CD177: variants seen among roughly 807,000 people sequenced by gnomAD.
CD177 encodes the protein CD177 molecule, also known as CD177 antigen.
A neutral mutation model predicts 38.1 loss-of-function variants in CD177; 41 were observed. The ratio of observed to expected loss-of-function variants is 1.07; its 90% CI spans 0.84 to 1.39. The LOEUF (loss-of-function observed/expected upper bound fraction) is 1.39, where lower values mean the gene tolerates loss of function less well. Ranked by LOEUF, CD177 falls within the 40% of genes most tolerant of loss-of-function variation. CD177 has a pLI of 0.00. For synonymous variants in CD177, 236 were observed against 216.7 expected (o/e 1.09, Z -0.78); for missense variants, 619 against 523.8 (o/e 1.18, Z -1.77).
At chr19:43,364,343 C>T (rs980002077), downstream of CD177, among the ~76,000 whole-genome samples, 9 of 152,332 alleles carry the variant, frequency 5.9e-5, no homozygotes, top group Admixed American at 1.3e-4. Flanking sequence ...TCCAAAACCT[C>T]CTTTGGATGT....
chr19:43,360,653 G>C (rs1969949791), intron 6 of CD177: 1 of 503,116 alleles, frequency 2.0e-6, no homozygotes, highest in South Asian at 2.5e-5. Flanking sequence ...CCAGGGTGGA[G>C]AACCGTGCCA....
chr19:43,361,390 G>A lies in CD177; in HGVS notation c.947-55G>A. ...ACACACAGAGACTCTGGCCCAAGGTGGCCAGCTGCTCTGAGCACAAAGTCA... is the reference window on the plus strand; with the variant it reads ...ACACACAGAGACTCTGGCCCAAGGTAGCCAGCTGCTCTGAGCACAAAGTCA... On this transcript the variant is annotated intron_variant, in intron 7 of 8. Transcript: ENST00000618265. 7 of 1,594,340 alleles carry A rather than the reference G, an allele frequency of 4.4e-6. No individual in the cohort carries two copies. The South Asian group carries it at 7.9e-5, about 18-fold the overall frequency.
chr19:43,365,464 G>A (rs969623724), downstream of CD177, among the ~76,000 whole-genome samples: 1 of 110,274 alleles, frequency 9.1e-6, no homozygotes, highest in Admixed American at 9.6e-5. Flanking sequence ...TAAGGGTGGG[G>A]ACGGCATAGC....
Position 43,355,760 on chromosome 19 carries a change from A to G in CD177, c.479A>G (p.Asp160Gly). 1.9e-6 allele frequency: 3 copies of G among 1,613,106 alleles called. No homozygotes were observed. Among genetic ancestry groups the G allele is most frequent in the Non-Finnish European group, 2.5e-6 (3 of 1,179,506 alleles). ...ICPKGTTHCYDGLLRLRGGGI... is the reference protein window; with the variant it reads ...ICPKGTTHCYGGLLRLRGGGI... ...CCCAAGGGGACCACACACTGTTATG[A>G]TGGCCTCCTCAGGCTCAGGGGAGGT... Residue 160 changes from aspartate (D) to glycine (G), a missense_variant, in exon 4 of 9, where the codon GAT becomes GGT. Transcript: ENST00000618265.
chr19:43,360,066 G>A (rs150484653), intron 5 of CD177, among the ~76,000 whole-genome samples, 199 bp from the exon 6 acceptor site: 2,383 of 151,986 alleles, frequency 0.016, 36 homozygotes, highest in Non-Finnish European at 0.025. Flanking sequence ...CGTCCCTGCG[G>A]GTGTTCAAGC....
intron 7 of CD177, 27 bp downstream of exon 7, chr19:43,361,355 T>C (rs1199471660): frequency 1.9e-6 from 3 of 1,587,228 alleles, no homozygotes; most frequent in African/African-American, 1.4e-5. Context: ...CGTGGAGAAA[T>C]GAGGCCCAGA....
At position 43,355,104 on chromosome 19, in the gene CD177, C is replaced by CTTTTTTT. The variant is rs1156547437; in HGVS notation, c.380-538_380-532dup. 4.8e-4 allele frequency among the ~76,000 whole-genome samples: 13 copies of CTTTTTTT among 26,828 alleles called. 1 individual carries two copies. Among genetic ancestry groups the CTTTTTTT allele is most frequent in the African/African-American group, 6.2e-4 (4 of 6,412 alleles). The allele number at this position is 26,828 out of a possible 152,430, so 17.6% of individuals were successfully genotyped here. On this transcript the variant is annotated intron_variant, in intron 3 of 8. Coordinates refer to ENST00000618265, the MANE Select transcript of CD177 (RefSeq NM_020406.4). ...CCCAAGACACCCCCCCTTTTCTTTTCTTTTTTTTTTTTTTTTTTTTTTTTT... is the reference window on the plus strand; with the variant it reads ...CCCAAGACACCCCCCCTTTTCTTTTCTTTTTTTTTTTTTTTTTTTTTTTTTTTTTTTT...
At position 43,363,092 on chromosome 19, in the gene CD177, C is replaced by T. The variant is rs1969997379; in HGVS notation, c.*772C>T. 6.6e-6 allele frequency: 1 copy of T among 151,412 alleles called. No individual in the cohort carries two copies. The highest frequency in any genetic ancestry group is 1.5e-5 in the Non-Finnish European group (1 of 67,848). 9.4% of individuals were successfully genotyped at this position (151,412 alleles called of 1,614,324 possible). A position where few individuals can be genotyped will look rare whatever the true frequency, so the allele number is the denominator to read the frequency against. On this transcript the variant is annotated 3_prime_UTR_variant, in exon 9 of 9. Transcript: ENST00000618265. ...GTGAATACTGCAGGCAATCTTAACACCACGGCAAGTATTTGTGCATCTACA... is the reference window on the plus strand; with the variant it reads ...GTGAATACTGCAGGCAATCTTAACATCACGGCAAGTATTTGTGCATCTACA...
rs553041744 is a variant in CD177 at position 43,360,321 on chromosome 19, G to T, written c.676G>T (p.Glu226Ter). The T allele has an allele frequency of 6.2e-7, 1 of 1,613,090 alleles. No homozygotes were observed. Among genetic ancestry groups the T allele is most frequent in the African/African-American group, 1.3e-5 (1 of 74,984 alleles). ...TATGACACACGGAAACTTGGCTCAAGAACCCACTGATTGGACCACATCGAA... is the reference window on the plus strand; with the variant it reads ...TATGACACACGGAAACTTGGCTCAATAACCCACTGATTGGACCACATCGAA... Reference protein sequence around the residue: ...TIMTHGNLAQEPTDWTTSNTE... With the variant: ...TIMTHGNLAQ Residue 226 changes from glutamate (E) to a stop codon, truncating the protein, a stop_gained, in exon 6 of 9, where the codon GAA (glutamate) becomes TAA (stop). Transcript: ENST00000618265. LOFTEE classifies it high-confidence loss of function.
intron 3 of CD177, 81 bp from the exon 4 acceptor site, chr19:43,355,580 C>G (rs1314389060): frequency 6.3e-7 from 1 of 1,583,448 alleles, no homozygotes; most frequent in South Asian, 1.1e-5. Context: ...TTGAGGCCAG[C>G]AAAAGTGGGG....
Position 43,360,412 on chromosome 19 carries a change from G to A in CD177, c.760+7G>A. 1 of 1,587,270 alleles carries A rather than the reference G, an allele frequency of 6.3e-7. No individual in the cohort carries two copies. Among genetic ancestry groups the A allele is most frequent in the Non-Finnish European group, 8.6e-7 (1 of 1,166,934 alleles). On this transcript the variant is annotated splice_region_variant and intron_variant, in intron 6 of 8. Coordinates refer to ENST00000618265, the MANE Select transcript of CD177 (RefSeq NM_020406.4). ...CTGCTGCTCCTAGATGTAGGTACGTGGACTGAGGTAGAAGACGAACACCTG... is the reference window on the plus strand; with the variant it reads ...CTGCTGCTCCTAGATGTAGGTACGTAGACTGAGGTAGAAGACGAACACCTG...
rs1440884841 is a variant in CD177, at chr19:43,354,003, C to T, written c.193+10C>T. The T allele has an allele frequency of 1.2e-6, 2 of 1,612,394 alleles. No homozygotes were observed. Among genetic ancestry groups the T allele is most frequent in the South Asian group, 1.1e-5 (1 of 90,912 alleles). ...ATGCTCATTGAGAGCGGTGAGAAGGCCCTGGCGTGCAGAGACCCCGCCCTG... is the reference window on the plus strand; with the variant it reads ...ATGCTCATTGAGAGCGGTGAGAAGGTCCTGGCGTGCAGAGACCCCGCCCTG... On this transcript the variant is annotated intron_variant, in intron 2 of 8. Transcript: ENST00000618265.
rs1969918811 is a variant in CD177, at chr19:43,355,699, G to C, written c.418G>C (p.Glu140Gln). The change falls in exon 4 of 9, where the codon GAA (glutamate) becomes CAA (glutamine). Residue 140 changes from glutamate (E) to glutamine (Q), a missense_variant. Physicochemically the swap from Glu to Gln is conservative, Grantham distance 29. Transcript: ENST00000618265. ...SLRCPVCLSM[E>Q]GCLEGTTEEI... ...GAGGTGCCCAGTCTGCTTGTCTATG[G>C]AAGGCTGTCTGGAGGGGACAACAGA... 6.2e-6 allele frequency: 10 copies of C among 1,612,962 alleles called. No homozygotes were observed. Among genetic ancestry groups the C allele is most frequent in the Non-Finnish European group, 8.5e-6 (10 of 1,179,462 alleles).
At position 43,353,710 on chromosome 19, in the gene CD177, G is replaced by T; in HGVS notation, c.-5G>T. Reference sequence around the variant, plus strand: ...CAGAAAGAGATTACCAGCCACAGACGGGTCATGAGCGCGGTATTACTGCTG... The same window carrying T: ...CAGAAAGAGATTACCAGCCACAGACTGGTCATGAGCGCGGTATTACTGCTG... On this transcript the variant is annotated 5_prime_UTR_variant, in exon 1 of 9. Coordinates refer to ENST00000618265, the MANE Select transcript of CD177 (RefSeq NM_020406.4). The T allele has an allele frequency of 6.2e-7, 1 of 1,613,798 alleles. No homozygotes were observed. Among genetic ancestry groups the T allele is most frequent in the East Asian group, 2.2e-5 (1 of 44,840 alleles).
chr19:43,354,535 G>GGC (rs1262019426), intron 3 of CD177, 143 bp downstream of exon 3: 40 of 806,596 alleles, frequency 5.0e-5, no homozygotes, highest in Admixed American at 3.7e-4. Context: ...ACTGCTCCCT[G>GGC]ACCATCGCCC....
chr19:43,362,406 C>G lies in CD177; in HGVS notation c.*86C>G. 3.3e-6 allele frequency: 2 copies of G among 612,750 alleles called. No individual in the cohort carries two copies. Among genetic ancestry groups the G allele is most frequent in the South Asian group, 4.1e-5 (2 of 49,080 alleles). The allele number at this position is 612,750 out of a possible 1,614,324, so 38.0% of individuals were successfully genotyped here. A position where few individuals can be genotyped will look rare whatever the true frequency, so the allele number is the denominator to read the frequency against. ...CTCATAACCTAATGGCCTTGGACAC[C>G]AGATTCTTTCCCATTCTGTCCATGA... On this transcript the variant is annotated 3_prime_UTR_variant, in exon 9 of 9. Transcript: ENST00000618265.
Position 43,362,123 on chromosome 19 carries a change from G to C in CD177, c.1117G>C (p.Val373Leu). 1 of 1,613,792 alleles carries C rather than the reference G, an allele frequency of 6.2e-7. No individual in the cohort carries two copies. Among genetic ancestry groups the C allele is most frequent in the South Asian group, 1.1e-5 (1 of 91,084 alleles). ...CACCAAAATGAGCATTCAGGGCTGC[G>C]TGGCCCAACCTTCCAGCTTCTTGTT... ...LSTKMSIQGC[V>L]AQPSSFLLNH... The change falls in exon 9 of 9, where the codon GTG becomes CTG. Residue 373 changes from valine (V) to leucine (L), a missense_variant. By Grantham distance (32) the Val-to-Leu change is conservative. Transcript: ENST00000618265.
At chr19:43,355,354 C>T (rs1969912048) in intron 3 of CD177, among the ~76,000 whole-genome samples, 1 of 151,590 alleles carries the variant, frequency 6.6e-6, no homozygotes, top group African/African-American at 2.4e-5. Context: ...CCTCGTGATC[C>T]ACCTGCCTCA....
downstream of CD177, among the ~76,000 whole-genome samples, chr19:43,365,997 C>T (rs1599881307): frequency 1.3e-5 from 2 of 152,110 alleles, no homozygotes. Flanking sequence ...AGGGATGAGC[C>T]AAGAGCTGCT....
Sources: allele counts gnomAD v4.1 joint callset (sites outside exome capture counted in the v4.1 genomes callset), GRCh38; gene constraint gnomAD v4.1.1; transcripts MANE v1.5; gene names NCBI Gene and HGNC (gene_info 2026-07-23, HGNC 2026-07-21).